Variants in SHROOM4 observed in about 807,000 individuals in gnomAD.
SHROOM4 encodes shroom family member 4, also known as protein Shroom4.
A neutral mutation model predicts 80.3 loss-of-function variants in SHROOM4; 17 were observed. The observed-to-expected ratio is 0.21, with a 90% confidence interval of 0.14 to 0.32. SHROOM4 has a LOEUF of 0.32. SHROOM4 is among the 10% of genes least tolerant of loss of function. The pLI, the probability that SHROOM4 is intolerant of heterozygous loss-of-function variation, is 1.00. For synonymous variants in SHROOM4, 400 were observed against 437.5 expected, an observed-to-expected ratio of 0.91 and a Z score of 1.07; for missense variants, 993 against 1,140.3, an observed-to-expected ratio of 0.87 and a Z score of 1.86.
chrX:50,628,213 C>G (rs1271132841), intron 4 of SHROOM4, among the ~76,000 whole-genome samples: 1 of 111,537 alleles, frequency 9.0e-6, no homozygotes, highest in Non-Finnish European at 1.9e-5. Flanking sequence ...GCAGTGGCTC[C>G]TCCTTCTCTG....
chrX:50,758,661 G>A (rs148166818), intron 1 of SHROOM4, among the ~76,000 whole-genome samples: 53 of 111,735 alleles, frequency 4.7e-4, no homozygotes, highest in African/African-American at 1.7e-3. Context: ...AAGGAATACT[G>A]GTCTATAGTT....
chrX:50,629,654 G>GA (rs1930961340), intron 4 of SHROOM4, among the ~76,000 whole-genome samples: 3 of 111,643 alleles, frequency 2.7e-5, no homozygotes, highest in Non-Finnish European at 5.6e-5. Flanking sequence ...TTCCTCAGCT[G>GA]TAAAATGGGA....
Position 50,607,453 on chromosome X carries a change from G to C in SHROOM4, c.3689C>G (p.Ala1230Gly). The change falls in exon 6 of 9, where the codon GCT (alanine) becomes GGT (glycine). Residue 1230 changes from alanine (A) to glycine (G), a missense_variant. Transcript: ENST00000376020. ...RGHLGSQPEQ[A>G]QPPCYYGIGG... The stretch of plus-strand genomic sequence containing the variant: ...AATGCCATAGTAGCAAGGGGGCTGA[G>C]CCTGCTCAGGTTGAGATCCCAAGTG... 1.7e-6 allele frequency: 2 copies of C among 1,211,699 alleles called. No individual in the cohort carries two copies. The highest frequency in any genetic ancestry group is 3.5e-5 in the African/African-American group (2 of 57,780).
chrX:50,609,692 T>TGTGC (rs58411066), intron 5 of SHROOM4, among the ~76,000 whole-genome samples: 30,404 of 107,276 alleles, frequency 0.28, 3,302 homozygotes, highest in South Asian at 0.41. Context: ...TGTGTGTGTG[T>TGTGC]ATAATTTTAA....
chrX:50,583,304 C>G (rs1557244458), downstream of SHROOM4, among the ~76,000 whole-genome samples: 1 of 109,839 alleles, frequency 9.1e-6, no homozygotes, highest in African/African-American at 3.3e-5. Flanking sequence ...TCCAATTGTC[C>G]TTAGGACTGG....
chrX:50,648,465 A>G (rs1931922806), intron 2 of SHROOM4, among the ~76,000 whole-genome samples: 1 of 112,456 alleles, frequency 8.9e-6, no homozygotes, highest in Non-Finnish European at 1.9e-5. Context: ...CAACATGCCA[A>G]AATGAAGAAG....
At chrX:50,804,792 A>G (rs1303503475) in intron 1 of SHROOM4, among the ~76,000 whole-genome samples, 1 of 112,165 alleles carries the variant, frequency 8.9e-6, no homozygotes, top group African/African-American at 3.2e-5. Flanking sequence ...CACCATGTCT[A>G]GGCTTTGACC....
rs146961756 is a variant in SHROOM4, at chrX:50,634,679, C to A, written c.1394G>T (p.Gly465Val). Residue 465 changes from glycine to valine, a missense_variant, in exon 4 of 9, where the codon GGA becomes GTA. By Grantham distance (109) the Gly-to-Val change is moderately radical. Coordinates refer to ENST00000376020, the MANE Select transcript of SHROOM4 (RefSeq NM_020717.5). ...KGKKSPCPPT[G>V]GTHDQSSKER... The stretch of plus-strand genomic sequence containing the variant: ...TTTGCTGGACTGGTCATGGGTTCCT[C>A]CTGTAGGGGGGCATGGACTTTTCTT... 3.2e-5 allele frequency: 39 copies of A among 1,209,991 alleles called. No individual in the cohort carries two copies. Among genetic ancestry groups the A allele is most frequent in the Non-Finnish European group, 3.4e-6 (3 of 895,307 alleles).
At position 50,589,107 on chromosome X, in the gene SHROOM4, T is replaced by C. The variant is rs1557245141; in HGVS notation, c.*7588A>G. Among the ~76,000 whole-genome samples, 2 of 111,652 alleles carry C rather than the reference T, an allele frequency of 1.8e-5. No homozygotes were observed. Among genetic ancestry groups the C allele is most frequent in the Non-Finnish European group, 3.8e-5 (2 of 53,148 alleles). On this transcript the variant is annotated 3_prime_UTR_variant, in exon 9 of 9. Transcript: ENST00000376020. ...GCTGAGACTACTGTTTGTCCTTATG[T>C]TGCTGGGTCTTCCAGGTCTTCAAGG...
rs782121059 is a variant in SHROOM4, at chrX:50,710,223, A to G, written c.118-14286T>C. On this transcript the variant is annotated intron_variant, in intron 1 of 8. Coordinates refer to ENST00000376020, the MANE Select transcript of SHROOM4 (RefSeq NM_020717.5). ...ACCAAAAAGACACACTTGTATGTTC[A>G]TTGCAGCACTATTCACAATAGCTAC... 1.3e-4 allele frequency among the ~76,000 whole-genome samples: 15 copies of G among 112,129 alleles called. No homozygotes were observed. The East Asian group carries it at 4.2e-3, about 32-fold the overall frequency.
At chrX:50,787,548 C>G (rs1016993361) in intron 1 of SHROOM4, among the ~76,000 whole-genome samples, 1 of 111,138 alleles carries the variant, frequency 9.0e-6, no homozygotes, top group Non-Finnish European at 1.9e-5. Flanking sequence ...AAATGAACAT[C>G]CAGATCCATC....
intron 2 of SHROOM4, among the ~76,000 whole-genome samples, chrX:50,650,364 T>C (rs781873691): frequency 3.0e-4 from 34 of 112,136 alleles, no homozygotes; most frequent in Admixed American, 1.8e-3. Flanking sequence ...AGAGGTTTCT[T>C]TTTTTGAGAT....
chrX:50,758,104 CAT>C (rs1283220663), intron 1 of SHROOM4, among the ~76,000 whole-genome samples: 2 of 111,281 alleles, frequency 1.8e-5, no homozygotes, highest in South Asian at 3.8e-4. Context: ...ACTATAAAGA[CAT>C]AGAATTGATT....
intron 5 of SHROOM4, among the ~76,000 whole-genome samples, chrX:50,618,354 T>C (rs1209087842): frequency 1.0e-4 from 2 of 19,177 alleles, no homozygotes; most frequent in Non-Finnish European, 2.0e-4. Flanking sequence ...CTTCCTTCCT[T>C]CCTTCCTTCC....
At position 50,806,256 on chromosome X, in the gene SHROOM4, CAT is replaced by C. The variant is rs782542220; in HGVS notation, c.117+7644_117+7645del. Reference sequence around the variant, plus strand: ...TACTTGTGTTGCGATATGGTACAGTCATAGATTCACAGTGAAAGAGGAGGATG... The same window carrying C: ...TACTTGTGTTGCGATATGGTACAGTCAGATTCACAGTGAAAGAGGAGGATG... On this transcript the variant is annotated intron_variant, in intron 1 of 8. Coordinates refer to ENST00000376020, the MANE Select transcript of SHROOM4 (RefSeq NM_020717.5). 3.6e-5 allele frequency among the ~76,000 whole-genome samples: 4 copies of C among 111,930 alleles called. No homozygotes were observed. In the East Asian group the frequency reaches 1.1e-3, roughly 32 times the overall value.
chrX:50,645,347 T>C (rs150712432), intron 2 of SHROOM4, among the ~76,000 whole-genome samples: 9 of 112,332 alleles, frequency 8.0e-5, no homozygotes, highest in African/African-American at 2.9e-4. Context: ...TCGCCAAATG[T>C]CTTTCTCCTT....
chrX:50,623,274 G>A (rs1349560819), intron 5 of SHROOM4, among the ~76,000 whole-genome samples: 1 of 110,728 alleles, frequency 9.0e-6, no homozygotes, highest in Non-Finnish European at 1.9e-5. Context: ...TGCAACATCC[G>A]CGTCCCAGAT....
chrX:50,626,369 G>A (rs1930803065), intron 5 of SHROOM4, among the ~76,000 whole-genome samples: 1 of 112,052 alleles, frequency 8.9e-6, no homozygotes, highest in African/African-American at 3.2e-5. Context: ...GTATTTGACA[G>A]GGTTTCATCT....
intron 1 of SHROOM4, among the ~76,000 whole-genome samples, chrX:50,697,818 G>C (rs1346513782): frequency 9.0e-6 from 1 of 111,666 alleles, no homozygotes; most frequent in African/African-American, 3.3e-5. Context: ...GAGAGAAAAG[G>C]AAAGTGCTGT....
Sources: gnomAD v4.1 joint callset for allele counts (sites outside exome capture counted in the v4.1 genomes callset) on GRCh38, gnomAD v4.1.1 for gene constraint, MANE v1.5 for transcripts, NCBI Gene and HGNC (gene_info 2026-07-23, HGNC 2026-07-21) for gene names.